The following DPH1 variants were observed in gnomAD, a reference collection of about 807,000 sequenced individuals.
DPH1 encodes diphthamide biosynthesis 1.
A neutral mutation model predicts 55.3 loss-of-function variants in DPH1; 59 were observed. The ratio of observed to expected loss-of-function variants is 1.07; its 90% CI spans 0.87 to 1.33. DPH1 has a LOEUF of 1.33. DPH1 is among the 40% of genes most tolerant of loss of function. The probability of loss-of-function intolerance (pLI) is 0.00; values close to 1 mark genes in which losing one functional copy is unlikely to be tolerated. For missense variants in DPH1, 628 were observed against 584.8 expected, an observed-to-expected ratio of 1.07 and a Z score of -0.76; for synonymous variants, 238 against 235.5, an observed-to-expected ratio of 1.01 and a Z score of -0.10.
chr17:2,038,314 G>T (rs552184205), intron 6 of DPH1, among the ~76,000 whole-genome samples: 15 of 152,242 alleles, frequency 9.9e-5, no homozygotes, highest in African/African-American at 2.9e-4. Context: ...GTAAGACCCT[G>T]CCTCAAAAAA....
rs192253989 is a variant in DPH1 at position 2,036,220 on chromosome 17, G to A, written c.400+129G>A. The A allele has an allele frequency of 2.0e-5, 29 of 1,451,382 alleles. No homozygotes were observed. The highest frequency in any genetic ancestry group is 4.7e-5 in the Admixed American group (2 of 42,398). The allele number at this position is 1,451,382 out of a possible 1,614,324, so 89.9% of individuals were successfully genotyped here. On this transcript the variant is annotated intron_variant, in intron 4 of 12. Transcript: ENST00000263083. This position sits in a 1 kb window ranked among gnomAD's most constrained non-coding sequence, Gnocchi z 4.8. ...CAAGGTCCCTCCTGGTTTCTGGGGT[G>A]GCCTCTGCCTTCCCGCTCTGCAGGT...
Position 2,041,798 on chromosome 17 carries a change from G to T in DPH1, c.1258G>T (p.Ala420Ser), listed in dbSNP as rs746403643. 40 of 1,606,458 alleles carry T rather than the reference G, an allele frequency of 2.5e-5. No individual in the cohort carries two copies. Among genetic ancestry groups the T allele is most frequent in the Non-Finnish European group, 3.1e-5 (37 of 1,177,294 alleles). ...GGAGGGGTCCGCGCGTCCCCCTTCGGCCGTGGCTTGCGAGGACTGCAGCTG... is the reference window on the plus strand; with the variant it reads ...GGAGGGGTCCGCGCGTCCCCCTTCGTCCGTGGCTTGCGAGGACTGCAGCTG... The part of the protein sequence containing the change: ...VQEGSARPPS[A>S]VACEDCSCRD... The change falls in exon 12 of 13, where the codon GCC becomes TCC. Residue 420 changes from alanine (A) to serine (S), a missense_variant. Physicochemically the swap from Ala to Ser is moderately conservative, Grantham distance 99. Transcript: ENST00000263083.
intron 12 of DPH1, chr17:2,042,231 G>C (rs926770062): frequency 1.4e-6 from 2 of 1,421,516 alleles, no homozygotes; most frequent in African/African-American, 1.5e-5. Flanking sequence ...ATCAGACTTC[G>C]GTGAGACAAG....
At chr17:2,041,701 C>G in intron 11 of DPH1, 67 bp from the exon 12 acceptor site, 2 of 1,580,026 alleles carry the variant, frequency 1.3e-6, no homozygotes, top group Non-Finnish European at 1.7e-6. Flanking sequence ...GGGAAACGCA[C>G]AGGAGCGGAG....
At chr17:2,041,902 C>T (rs1056379091) in intron 12 of DPH1, 27 bp downstream of exon 12, 2 of 1,546,140 alleles carry the variant, frequency 1.3e-6, no homozygotes, top group African/African-American at 1.4e-5. Context: ...TGGGTGCGCC[C>T]CGCCTTTTGC....
intron 12 of DPH1, 93 bp downstream of exon 12, chr17:2,041,968 G>A (rs2067538092): frequency 2.0e-6 from 3 of 1,515,168 alleles, no homozygotes; most frequent in Non-Finnish European, 2.6e-6. Flanking sequence ...CGGTGCTGAC[G>A]TTCGGTTCCG....
At chr17:2,041,987 A>G (rs1234801926) in intron 12 of DPH1, 112 bp downstream of exon 12, 4 of 1,492,172 alleles carry the variant, frequency 2.7e-6, no homozygotes, top group African/African-American at 1.4e-5. Context: ...CGCCCCGTGC[A>G]TTGTGCTTCC....
chr17:2,042,498 T>G, intron 12 of DPH1, 107 bp from the exon 13 acceptor site: 2 of 1,415,402 alleles, frequency 1.4e-6, no homozygotes, highest in Non-Finnish European at 1.9e-6. Flanking sequence ...TTTGCCTCGA[T>G]TCCCTTTTTC....
chr17:2,039,392 T>G, intron 6 of DPH1: 1 of 162,818 alleles, frequency 6.1e-6, no homozygotes, highest in East Asian at 1.7e-4. Flanking sequence ...TTTTTTTTCT[T>G]TTTGAGACGG....
At chr17:2,030,151 C>T, upstream of DPH1, 2 of 1,599,932 alleles carry the variant, frequency 1.3e-6, no homozygotes. Context: ...CTTTTTAGTA[C>T]CACATGCGCA....
chr17:2,032,780 G>T (rs2067348170), intron 1 of DPH1, among the ~76,000 whole-genome samples: 1 of 152,214 alleles, frequency 6.6e-6, no homozygotes, highest in African/African-American at 2.4e-5. Context: ...GTCTCGCTCT[G>T]TTGCCCAGGC....
At chr17:2,033,261 C>T (rs1047140130) in intron 1 of DPH1, 3 of 587,402 alleles carry the variant, frequency 5.1e-6, no homozygotes, top group African/African-American at 1.9e-5. Flanking sequence ...GGGAACCAGG[C>T]ATCTCGTGAC....
intron 9 of DPH1, chr17:2,040,839 ACCTGC>A: frequency 1.6e-6 from 1 of 626,644 alleles, no homozygotes; most frequent in Non-Finnish European, 2.8e-6. Context: ...GGTGGCTGAC[ACCTGC>A]CCTGTACCAG....
In DPH1 at chr17:2,030,949, C is replaced by T. The variant is rs187736197; in HGVS notation, c.61+719C>T. 5.6e-4 allele frequency among the ~76,000 whole-genome samples: 85 copies of T among 152,338 alleles called. 1 individual carries two copies. In the East Asian group the frequency reaches 0.016, roughly 28 times the overall value. ...TCCGCTGGACCATCCCCACCGCCGC[C>T]CACACAGTGGGTGAAGCCTCATGTC... On this transcript the variant is annotated intron_variant, in intron 1 of 12. Transcript: ENST00000263083.
rs562153629 is a variant in DPH1, at chr17:2,039,471, G to A, written c.681-284G>A. The A allele has an allele frequency of 1.3e-4, 44 of 333,464 alleles. No homozygotes were observed. In the East Asian group the frequency reaches 1.4e-3, roughly 11 times the overall value. The allele number at this position is 333,464 out of a possible 1,614,324, so 20.7% of individuals were successfully genotyped here. A position where few individuals can be genotyped will look rare whatever the true frequency, so the allele number is the denominator to read the frequency against. ...CAGCTCACTGCAAGCTACGCCTCCCGGGTTCACGCCATTCTCCTGCCTCAG... is the reference window on the plus strand; with the variant it reads ...CAGCTCACTGCAAGCTACGCCTCCCAGGTTCACGCCATTCTCCTGCCTCAG... On this transcript the variant is annotated intron_variant, in intron 6 of 12. Coordinates refer to ENST00000263083, the MANE Select transcript of DPH1 (RefSeq NM_001383.6).
At chr17:2,030,300 C>T in intron 1 of DPH1, 70 bp downstream of exon 1, 1 of 1,465,664 alleles carries the variant, frequency 6.8e-7, no homozygotes, top group Non-Finnish European at 9.1e-7. Context: ...AGGGACAGGA[C>T]CAACCCCCTT....
intron 6 of DPH1, among the ~76,000 whole-genome samples, chr17:2,038,488 A>T (rs1288956347): frequency 6.6e-6 from 1 of 152,168 alleles, no homozygotes; most frequent in African/African-American, 2.4e-5. Flanking sequence ...GCCGCACAGT[A>T]GAAGGTGAGG....
At chr17:2,033,983 A>C in intron 3 of DPH1, 141 bp downstream of exon 3, 2 of 924,442 alleles carry the variant, frequency 2.2e-6, no homozygotes, top group Non-Finnish European at 3.3e-6. Flanking sequence ...CCACAACCAT[A>C]CACACACTCA....
rs746129454 is a variant in DPH1, at chr17:2,036,463, G to A, written c.401-66G>A. ...ACTGCGCCTGGCTGCTCAGAGACCT[G>A]AGCCTGGCCGGGCCCTCTGCTGCTC... On this transcript the variant is annotated intron_variant, in intron 4 of 12. Coordinates refer to ENST00000263083, the MANE Select transcript of DPH1 (RefSeq NM_001383.6). The surrounding 1 kb of genome is among the most constrained non-coding windows in gnomAD (Gnocchi z 4.8). 1.3e-6 allele frequency: 2 copies of A among 1,590,038 alleles called. No homozygotes were observed. Among genetic ancestry groups the A allele is most frequent in the Admixed American group, 3.4e-5 (2 of 59,172 alleles).
Sources: allele counts gnomAD v4.1 joint callset (sites outside exome capture counted in the v4.1 genomes callset), GRCh38; gene constraint gnomAD v4.1.1; non-coding constraint Gnocchi (gnomAD v3.1); transcripts MANE v1.5; gene names NCBI Gene and HGNC (gene_info 2026-07-23, HGNC 2026-07-21).